The following ARNT2 variants were observed in gnomAD, a reference collection of about 807,000 sequenced individuals.
ARNT2 encodes ARNT protein 2.
ARNT2 carries 36 observed loss-of-function variants against 91.7 expected under a neutral mutation model. The observed-to-expected ratio is 0.39, with a 90% CI of 0.30 to 0.52. The LOEUF is 0.52. ARNT2 is among the 20% of genes least tolerant of loss of function. The probability of loss-of-function intolerance (pLI) is 0.72; values close to 1 mark genes in which losing one functional copy is unlikely to be tolerated. For missense variants in ARNT2, 775 were observed against 939.3 expected (o/e 0.83, Z 2.29); for synonymous variants, 365 against 347.1 (o/e 1.05, Z -0.57).
chr15:80,457,098 CT>C (rs148083557), intron 2 of ARNT2, among the ~76,000 whole-genome samples: 2,107 of 152,346 alleles, frequency 0.014, 49 homozygotes, highest in African/African-American at 0.049. Context: ...TAAGTACCCC[CT>C]CTGCCCTAAC....
At chr15:80,455,162 G>A (rs1023721317) in intron 2 of ARNT2, among the ~76,000 whole-genome samples, 1 of 152,192 alleles carries the variant, frequency 6.6e-6, no homozygotes, top group Non-Finnish European at 1.5e-5. Context: ...CAAAGCAGCA[G>A]CATCTTGGCA....
Position 80,508,224 on chromosome 15 carries a change from A to T in ARNT2, c.691A>T (p.Met231Leu), listed in dbSNP as rs1326666682. 1 of 1,614,110 alleles carries T rather than the reference A, an allele frequency of 6.2e-7. No homozygotes were observed. Among genetic ancestry groups the T allele is most frequent in the Non-Finnish European group, 8.5e-7 (1 of 1,179,988 alleles). ...GCAGCAGTCATCCATGAGGATGTGC[A>T]TGGGCTCGCGGCGGTCTTTCATCTG... is the stretch of plus-strand genomic sequence containing the variant. ...EGQQSSMRMC[M>L]GSRRSFICRM... The change falls in exon 6 of 19, where the codon ATG becomes TTG. Residue 231 changes from methionine to leucine, a missense_variant. By Grantham distance (15) the Met-to-Leu change is conservative. This residue lies in a region of ARNT2 where 285 missense variants were observed against 327.2 expected (regional missense o/e 0.87). Coordinates refer to ENST00000303329, the MANE Select transcript of ARNT2 (RefSeq NM_014862.4).
chr15:80,423,943 G>A (rs1249870205), intron 1 of ARNT2, among the ~76,000 whole-genome samples: 2 of 152,226 alleles, frequency 1.3e-5, no homozygotes, highest in Non-Finnish European at 2.9e-5. Context: ...ATCCAAGAGT[G>A]CTAGCAGTTA....
chr15:80,536,153 C>T (rs534259662), intron 8 of ARNT2, among the ~76,000 whole-genome samples: 2 of 152,190 alleles, frequency 1.3e-5, no homozygotes, highest in Admixed American at 6.5e-5. Flanking sequence ...CACAGAGGCA[C>T]GTGGAGTGAG....
chr15:80,557,983 C>T (rs55935962), intron 11 of ARNT2, among the ~76,000 whole-genome samples: 4 of 152,154 alleles, frequency 2.6e-5, no homozygotes, highest in Non-Finnish European at 5.9e-5. Flanking sequence ...TACCTGGCCC[C>T]GTCTCATCCT....
At chr15:80,577,620 A>G (rs942641405) in intron 15 of ARNT2, among the ~76,000 whole-genome samples, 3 of 152,318 alleles carry the variant, frequency 2.0e-5, no homozygotes, top group Admixed American at 1.3e-4. Flanking sequence ...AGACACCCTA[A>G]AGTTCCTCAT....
At chr15:80,577,744 C>T (rs528077541) in intron 15 of ARNT2, among the ~76,000 whole-genome samples, 2 of 152,348 alleles carry the variant, frequency 1.3e-5, no homozygotes, top group South Asian at 4.1e-4. Context: ...GCCCCTGCCA[C>T]GGGACTGCCC....
intron 8 of ARNT2, among the ~76,000 whole-genome samples, chr15:80,518,462 G>T (rs1476968632): frequency 6.6e-6 from 1 of 151,778 alleles, no homozygotes; most frequent in African/African-American, 2.4e-5. Context: ...TGTATTTTTA[G>T]TAGAGGTGGG....
chr15:80,418,594 C>T (rs1235331258), intron 1 of ARNT2, among the ~76,000 whole-genome samples: 3 of 152,236 alleles, frequency 2.0e-5, no homozygotes, highest in African/African-American at 7.2e-5. Context: ...TTCCTCTTGG[C>T]CCCTCCCATG....
chr15:80,559,099 A>G (rs1271245430), intron 11 of ARNT2, among the ~76,000 whole-genome samples: 4 of 152,192 alleles, frequency 2.6e-5, no homozygotes, highest in African/African-American at 9.7e-5. Flanking sequence ...AATGCATTCA[A>G]TCACAACACC....
intron 8 of ARNT2, among the ~76,000 whole-genome samples, chr15:80,515,309 A>G (rs893387759): frequency 2.6e-5 from 4 of 152,228 alleles, no homozygotes; most frequent in African/African-American, 9.6e-5. Context: ...ATCATTCATA[A>G]TGGCCAAAAA....
Position 80,575,055 on chromosome 15 carries a change from C to T in ARNT2, c.1458C>T (p.Ile486=), listed in dbSNP as rs1432024248. 6.2e-7 allele frequency: 1 copy of T among 1,614,090 alleles called. No individual in the cohort carries two copies. Among genetic ancestry groups the T allele is most frequent in the Non-Finnish European group, 8.5e-7 (1 of 1,180,034 alleles). Reference sequence around the variant, plus strand: ...AGTCCGTGGAAAAGGCGGATGCAATCTTCTCCCAGGAAAGAGATCCTCGGT... The same window carrying T: ...AGTCCGTGGAAAAGGCGGATGCAATTTTCTCCCAGGAAAGAGATCCTCGGT... ...AGKSVEKADA[I]FSQERDPRFA... The change falls in exon 14 of 19, where the codon ATC becomes ATT. Residue 486 remains isoleucine (I), a synonymous_variant. Coordinates refer to ENST00000303329, the MANE Select transcript of ARNT2 (RefSeq NM_014862.4).
At chr15:80,536,238 C>T (rs1030447563) in intron 8 of ARNT2, among the ~76,000 whole-genome samples, 1 of 152,156 alleles carries the variant, frequency 6.6e-6, no homozygotes, top group African/African-American at 2.4e-5. Flanking sequence ...CAGGGGTGCC[C>T]GAGTGGGACC....
chr15:80,491,496 G>A (rs1595984766), intron 5 of ARNT2, among the ~76,000 whole-genome samples: 1 of 152,122 alleles, frequency 6.6e-6, no homozygotes, highest in East Asian at 1.9e-4. Context: ...TGAGATTTGA[G>A]TGGGGACACA....
chr15:80,511,169 G>A (rs375983098), intron 6 of ARNT2, among the ~76,000 whole-genome samples: 30 of 152,220 alleles, frequency 2.0e-4, no homozygotes, highest in Admixed American at 1.2e-3. Context: ...AATGTGGTAC[G>A]TATACACCAT....
rs1018424011 is a variant in ARNT2, at chr15:80,457,936, T to G, written c.154T>G (p.Phe52Val). The change falls in exon 3 of 19, where the codon TTC becomes GTC. Residue 52 changes from phenylalanine (F) to valine (V), a missense_variant. Physicochemically the swap from Phe to Val is conservative, Grantham distance 50. Transcript: ENST00000303329. ...RGGKRRSGMD[F>V]DDEDGEGPSK... is the part of the protein sequence containing the mutation. Reference sequence around the variant, plus strand: ...GTGATCTTGACTTTTCAGAATGGACTTCGATGATGAAGATGGTGAAGGCCC... The same window carrying G: ...GTGATCTTGACTTTTCAGAATGGACGTCGATGATGAAGATGGTGAAGGCCC... 6.2e-7 allele frequency: 1 copy of G among 1,614,016 alleles called. No individual in the cohort carries two copies. The highest frequency in any genetic ancestry group is 8.5e-7 in the Non-Finnish European group (1 of 1,179,966).
chr15:80,421,388 T>C (rs568492305), intron 1 of ARNT2, among the ~76,000 whole-genome samples: 14 of 90,182 alleles, frequency 1.6e-4, no homozygotes, highest in Non-Finnish European at 1.7e-4. Flanking sequence ...CCCCTAAAGC[T>C]ATTGAAATAG....
chr15:80,585,744 C>G (rs184942644), intron 17 of ARNT2, among the ~76,000 whole-genome samples: 55 of 152,306 alleles, frequency 3.6e-4, no homozygotes, highest in African/African-American at 1.3e-3. Context: ...GCAGGTAAAA[C>G]TGACTCACAG....
At chr15:80,507,630 C>T (rs1897292701) in intron 5 of ARNT2, among the ~76,000 whole-genome samples, 1 of 152,084 alleles carries the variant, frequency 6.6e-6, no homozygotes, top group South Asian at 2.1e-4. Flanking sequence ...GCATAGGGAA[C>T]ATGTACAGTG....
Sources: allele counts gnomAD v4.1 joint callset (sites outside exome capture counted in the v4.1 genomes callset), GRCh38; gene constraint gnomAD v4.1.1; regional missense constraint gnomAD v4.1.1; transcripts MANE v1.5; gene names NCBI Gene and HGNC (gene_info 2026-07-23, HGNC 2026-07-21).